Variants in GNAI1 observed in about 807,000 individuals in gnomAD.
GNAI1 encodes the protein guanine nucleotide-binding protein G(i) subunit alpha-1.
In GNAI1, 11 loss-of-function variants were observed where a neutral mutation model predicts 38.9. The observed-to-expected ratio is 0.28, with a 90% confidence interval of 0.18 to 0.47. The LOEUF (loss-of-function observed/expected upper bound fraction) is 0.47. Ranked by LOEUF, GNAI1 falls within the 20% of genes least tolerant of loss-of-function variation. GNAI1 has a pLI of 0.99. For missense variants in GNAI1, 317 were observed against 436.9 expected, an observed-to-expected ratio of 0.73 and a Z score of 2.45; for synonymous variants, 166 against 145.1, an observed-to-expected ratio of 1.14 and a Z score of -1.04.
chr7:80,217,233 A>ACTGACTTCAGTTTCATATGTAGGAAC, intron 7 of GNAI1, 70 bp from the exon 8 acceptor site: 2 of 1,034,858 alleles, frequency 1.9e-6, no homozygotes, highest in Non-Finnish European at 2.8e-6. Context: ...TATGTATGAA[A>ACTGACTTCAGTTTCATATGTAGGAAC]CTGAATTCAG....
chr7:80,163,837 C>T (rs1171958236), intron 1 of GNAI1, among the ~76,000 whole-genome samples: 1 of 152,118 alleles, frequency 6.6e-6, no homozygotes, highest in Admixed American at 6.5e-5. Flanking sequence ...ATTGTAAAAG[C>T]ATCACTGAGA....
At position 80,225,210 on chromosome 7, in the gene GNAI1, GA is replaced by G. The variant is rs1789139900; in HGVS notation, c.*7721del. Among the ~76,000 whole-genome samples the G allele has an allele frequency of 6.6e-6, 1 of 152,082 alleles. No individual in the cohort carries two copies. Among genetic ancestry groups the G allele is most frequent in the Non-Finnish European group, 1.5e-5 (1 of 68,026 alleles). Reference sequence around the variant, plus strand: ...TGTAATATAGCCTTTCCTGTGGGGGGAAAACCCATCTCATTTTCACTTTAAA... The same window carrying G: ...TGTAATATAGCCTTTCCTGTGGGGGGAAACCCATCTCATTTTCACTTTAAA... On this transcript the variant is annotated 3_prime_UTR_variant, in exon 8 of 8. Coordinates refer to ENST00000649796, the MANE Select transcript of GNAI1 (RefSeq NM_002069.6).
chr7:80,201,482 G>T (rs1788685733), intron 4 of GNAI1, among the ~76,000 whole-genome samples: 1 of 152,146 alleles, frequency 6.6e-6, no homozygotes. Context: ...ATTTTGGGAG[G>T]CTGAGGTGAG....
chr7:80,153,622 G>GT (rs1425062047), intron 1 of GNAI1, among the ~76,000 whole-genome samples: 3 of 152,104 alleles, frequency 2.0e-5, no homozygotes, highest in Non-Finnish European at 4.4e-5. Flanking sequence ...TTGAGGACTT[G>GT]TATTAATGGC....
At chr7:80,180,720 T>TA in intron 1 of GNAI1, among the ~76,000 whole-genome samples, 1 of 152,290 alleles carries the variant, frequency 6.6e-6, no homozygotes. Flanking sequence ...TGTCTGCAGT[T>TA]ACGACTAGAG....
chr7:80,195,677 C>T (rs916429143), intron 3 of GNAI1, among the ~76,000 whole-genome samples: 1 of 151,896 alleles, frequency 6.6e-6, no homozygotes, highest in African/African-American at 2.4e-5. Flanking sequence ...CACTCCATTA[C>T]CATATTATTT....
intron 5 of GNAI1, among the ~76,000 whole-genome samples, chr7:80,205,003 C>G (rs1788749309): frequency 6.6e-6 from 1 of 151,994 alleles, no homozygotes; most frequent in Non-Finnish European, 1.5e-5. Flanking sequence ...GGCAGAAGTT[C>G]TTTTTTTAAA....
At chr7:80,139,283 G>C (rs1787481692) in intron 1 of GNAI1, among the ~76,000 whole-genome samples, 1 of 152,052 alleles carries the variant, frequency 6.6e-6, no homozygotes, top group Non-Finnish European at 1.5e-5. Context: ...CTTGCATCTT[G>C]TCTTTCCCTC....
At chr7:80,203,883 CT>C in intron 5 of GNAI1, 51 bp downstream of exon 5, 1 of 1,049,990 alleles carries the variant, frequency 9.5e-7, no homozygotes, top group Non-Finnish European at 1.4e-6. Flanking sequence ...AAACACATTG[CT>C]TTAGAAATAA....
intron 4 of GNAI1, among the ~76,000 whole-genome samples, chr7:80,201,022 A>G (rs11981471): frequency 0.062 from 9,407 of 152,238 alleles, 1,001 homozygotes; most frequent in African/African-American, 0.21. Flanking sequence ...CTCTGCCATT[A>G]CATTGTAAAT....
intron 1 of GNAI1, among the ~76,000 whole-genome samples, chr7:80,184,081 G>A (rs1037506195): frequency 4.6e-5 from 7 of 152,096 alleles, no homozygotes; most frequent in Non-Finnish European, 7.4e-5. Flanking sequence ...ACCAGTGGGC[G>A]GAGGGGGAGG....
In GNAI1 at chr7:80,217,382, A is replaced by G. The variant is rs1303293769; in HGVS notation, c.954A>G (p.Glu318=). 6.2e-7 allele frequency: 1 copy of G among 1,606,526 alleles called. No individual in the cohort carries two copies. Among genetic ancestry groups the G allele is most frequent in the Non-Finnish European group, 8.5e-7 (1 of 1,174,680 alleles). The part of the protein sequence containing the change: ...EDLNKRKDTK[E]IYTHFTCATD... ...TCAATAAAAGAAAGGACACAAAGGA[A>G]ATATACACCCACTTCACATGTGCCA... The change falls in exon 8 of 8, where the codon GAA becomes GAG. Residue 318 remains glutamate (E), a synonymous_variant. Coordinates refer to ENST00000649796, the MANE Select transcript of GNAI1 (RefSeq NM_002069.6).
At chr7:80,136,390 GCTT>G (rs1382591592) in intron 1 of GNAI1, among the ~76,000 whole-genome samples, 1 of 152,126 alleles carries the variant, frequency 6.6e-6, no homozygotes, top group Non-Finnish European at 1.5e-5. Context: ...TTTTCAGTAA[GCTT>G]CTGTTTCATT....
At chr7:80,171,245 T>C (rs1385436129) in intron 1 of GNAI1, among the ~76,000 whole-genome samples, 2 of 152,200 alleles carry the variant, frequency 1.3e-5, no homozygotes, top group African/African-American at 4.8e-5. Flanking sequence ...CATTAAAAAA[T>C]CCTTGTAAAA....
chr7:80,146,248 C>G (rs1787620213), intron 1 of GNAI1, among the ~76,000 whole-genome samples: 1 of 152,098 alleles, frequency 6.6e-6, no homozygotes, highest in Non-Finnish European at 1.5e-5. Context: ...TCCAGTTGCT[C>G]CTAACTGAAT....
intron 3 of GNAI1, among the ~76,000 whole-genome samples, chr7:80,195,699 T>C (rs946585124): frequency 3.9e-5 from 6 of 152,050 alleles, no homozygotes; most frequent in Non-Finnish European, 5.9e-5. Flanking sequence ...GCTTCTATTT[T>C]AGAAGGGCTT....
chr7:80,200,324 C>CA lies in GNAI1; in HGVS notation c.461+965dup, dbSNP rs59511755. 1.4e-3 allele frequency among the ~76,000 whole-genome samples: 57 copies of CA among 40,346 alleles called. 6 individuals are homozygous for CA. Among genetic ancestry groups the CA allele is most frequent in the Admixed American group, 1.7e-3 (4 of 2,294 alleles). 26.5% of individuals were successfully genotyped at this position (40,346 alleles called of 152,430 possible). A position where few individuals can be genotyped will look rare whatever the true frequency, so the allele number is the denominator to read the frequency against. On this transcript the variant is annotated intron_variant, in intron 4 of 7. Coordinates refer to ENST00000649796, the MANE Select transcript of GNAI1 (RefSeq NM_002069.6). ...CTGGAGATGGAGTGAGGCCATGTCT[C>CA]AAAAAAAAAAAAAAAAAAAAAAACC...
intron 1 of GNAI1, among the ~76,000 whole-genome samples, chr7:80,138,204 T>A (rs1469045527): frequency 6.6e-6 from 1 of 152,194 alleles, no homozygotes; most frequent in Non-Finnish European, 1.5e-5. Flanking sequence ...ATATATTGCA[T>A]TTTTTTCTTA....
intron 5 of GNAI1, among the ~76,000 whole-genome samples, chr7:80,207,299 C>T (rs1412997357): frequency 1.3e-5 from 2 of 152,148 alleles, no homozygotes; most frequent in Admixed American, 6.6e-5. Flanking sequence ...TGGTTAGGTG[C>T]ACTCTTAAAC....
Sources: allele counts gnomAD v4.1 joint callset (sites outside exome capture counted in the v4.1 genomes callset), GRCh38; gene constraint gnomAD v4.1.1; transcripts MANE v1.5; gene names NCBI Gene and HGNC (gene_info 2026-07-23, HGNC 2026-07-21).